Variants in ENTPD7 observed in about 807,000 individuals in gnomAD.
The protein encoded by ENTPD7 is ectonucleoside triphosphate diphosphohydrolase 7.
In ENTPD7, 53 loss-of-function variants were observed where a neutral mutation model predicts 77.9. That is an observed-to-expected ratio of 0.68 (90% CI 0.55 to 0.85). The LOEUF is 0.85. Ranked by LOEUF, ENTPD7 falls within the 40% of genes least tolerant of loss-of-function variation. The probability of loss-of-function intolerance (pLI) is 0.00; values close to 1 mark genes in which losing one functional copy is unlikely to be tolerated. For synonymous variants in ENTPD7, 248 were observed against 274.9 expected (o/e 0.90, Z 0.97); for missense variants, 636 against 743.7 (o/e 0.86, Z 1.68).
At position 99,685,823 on chromosome 10, in the gene ENTPD7, A is replaced by G; in HGVS notation, c.580A>G (p.Lys194Glu). 5 of 1,613,842 alleles carry G rather than the reference A, an allele frequency of 3.1e-6. No individual in the cohort carries two copies. Among genetic ancestry groups the G allele is most frequent in the Non-Finnish European group, 3.4e-6 (4 of 1,179,914 alleles). The change falls in exon 6 of 13, where the codon AAA becomes GAA. Residue 194 changes from lysine to glutamate, a missense_variant. Transcript: ENST00000370489. Reference sequence around the variant, plus strand: ...GTTGGCTATCTTGGCTGACCTAGTGAAAGATTTACCACTGGAGTTTGACTT... The same window carrying G: ...GTTGGCTATCTTGGCTGACCTAGTGGAAGATTTACCACTGGAGTTTGACTT... ...KQLAILADLV[K>E]DLPLEFDFLF...
At position 99,683,414 on chromosome 10, in the gene ENTPD7, G is replaced by T. The variant is rs74152710; in HGVS notation, c.549-2378G>T. ...ATTTTTTCTACCTCCCTTTTATTTT[G>T]CAGTTAAAAAAAATCCCTTAAAAAT... On this transcript the variant is annotated intron_variant, in intron 5 of 12. Coordinates refer to ENST00000370489, the MANE Select transcript of ENTPD7 (RefSeq NM_020354.5). Among the ~76,000 whole-genome samples, 207 of 151,860 alleles carry T rather than the reference G, an allele frequency of 1.4e-3. 1 individual carries two copies. Among genetic ancestry groups the T allele is most frequent in the African/African-American group, 4.9e-3 (203 of 41,414 alleles).
chr10:99,661,588 C>T lies in ENTPD7; in HGVS notation c.151C>T (p.His51Tyr), dbSNP rs139286607. 3.7e-6 allele frequency: 6 copies of T among 1,612,358 alleles called. No homozygotes were observed. In the African/African-American group the frequency reaches 4.0e-5, roughly 11 times the overall value. Residue 51 changes from histidine (H) to tyrosine (Y), a missense_variant, in exon 3 of 13, where the codon CAT (histidine) becomes TAT (tyrosine). His to Tyr is a moderately conservative substitution (Grantham distance 83). This residue lies in a region of ENTPD7 where 486 missense variants were observed against 556.5 expected (regional missense o/e 0.87). Coordinates refer to ENST00000370489, the MANE Select transcript of ENTPD7 (RefSeq NM_020354.5). ...LLLMLIIDFR[H>Y]WSASLPRDRQ... ...ACTTATGTTAATCATAGACTTTCGA[C>T]ATTGGAGTGCTTCATTACCACGAGA...
chr10:99,700,754 G>T, intron 10 of ENTPD7: 1 of 586,750 alleles, frequency 1.7e-6, no homozygotes, highest in Non-Finnish European at 3.0e-6. Context: ...AGCCTAAGAG[G>T]CTCAGAAGCC....
intron 8 of ENTPD7, among the ~76,000 whole-genome samples, chr10:99,692,063 G>A (rs2035891668): frequency 6.6e-6 from 1 of 152,116 alleles, no homozygotes; most frequent in Non-Finnish European, 1.5e-5. Flanking sequence ...CACCCATTAT[G>A]TGCAAGGAAT....
chr10:99,681,999 A>T (rs2035760076), intron 5 of ENTPD7, among the ~76,000 whole-genome samples: 1 of 151,806 alleles, frequency 6.6e-6, no homozygotes, highest in African/African-American at 2.4e-5. Flanking sequence ...TACTCTGTTA[A>T]TTTTTTCCTT....
chr10:99,701,051 C>G lies in ENTPD7; in HGVS notation c.1414C>G (p.Arg472Gly), dbSNP rs138037225. 163 of 1,613,464 alleles carry G rather than the reference C, an allele frequency of 1.0e-4. 1 individual carries two copies. The East Asian group carries it at 3.3e-3, about 33-fold the overall frequency. Reference protein sequence around the residue: ...GLFSSHADEHRLKYQCFKSAW... With the variant: ...GLFSSHADEHGLKYQCFKSAW... ...CTTTTCATCACATGCAGATGAGCAT[C>G]GACTCAAGTAAGTTACTTCCCTTTC... The change falls in exon 11 of 13, where the codon CGA becomes GGA. Residue 472 changes from arginine (R) to glycine (G), a missense_variant. Physicochemically the swap from Arg to Gly is moderately radical, Grantham distance 125. Coordinates refer to ENST00000370489, the MANE Select transcript of ENTPD7 (RefSeq NM_020354.5).
Position 99,709,689 on chromosome 10 carries a change from T to C in ENTPD7, c.*5006T>C. 4.1e-6 allele frequency: 4 copies of C among 985,462 alleles called. No individual in the cohort carries two copies. The South Asian group carries it at 1.9e-4, about 46-fold the overall frequency. 61.0% of individuals were successfully genotyped at this position (985,462 alleles called of 1,614,324 possible). ...TTTGGGTGTCCCATCTACCCTGTTT[T>C]CTGTTTCTGCAGATGGCTTGTTCAA... On this transcript the variant is annotated 3_prime_UTR_variant, in exon 13 of 13. Transcript: ENST00000370489.
chr10:99,661,847 TTGGTGGG>T (rs2035491421), intron 3 of ENTPD7, among the ~76,000 whole-genome samples: 1 of 152,226 alleles, frequency 6.6e-6, no homozygotes, highest in Non-Finnish European at 1.5e-5. Context: ...TTTTCTTGTT[TTGGTGGG>T]CTGAAACTTA....
chr10:99,704,871 T>A lies in ENTPD7; in HGVS notation c.*188T>A. 1 of 620,448 alleles carries A rather than the reference T, an allele frequency of 1.6e-6. No homozygotes were observed. Among genetic ancestry groups the A allele is most frequent in the Non-Finnish European group, 2.8e-6 (1 of 357,586 alleles). The allele number at this position is 620,448 out of a possible 1,614,324, so 38.4% of individuals were successfully genotyped here. On this transcript the variant is annotated 3_prime_UTR_variant, in exon 13 of 13. Coordinates refer to ENST00000370489, the MANE Select transcript of ENTPD7 (RefSeq NM_020354.5). ...GTCTTCTCTGAGAGAAGCTATAATTTAATCTGTGAGGAACTAAATGACAGG... is the reference window on the plus strand; with the variant it reads ...GTCTTCTCTGAGAGAAGCTATAATTAAATCTGTGAGGAACTAAATGACAGG...
At chr10:99,672,721 A>T (rs1444123219) in intron 3 of ENTPD7, among the ~76,000 whole-genome samples, 1 of 152,210 alleles carries the variant, frequency 6.6e-6, no homozygotes. Context: ...TTTTCTGGGT[A>T]TGTATTACTA....
chr10:99,660,457 A>G (rs1485524116), intron 2 of ENTPD7: 1 of 899,508 alleles, frequency 1.1e-6, no homozygotes, highest in Non-Finnish European at 1.6e-6. Context: ...TATAAAATAA[A>G]GTGGGGGAAA....
At chr10:99,666,166 G>T (rs1389440953) in intron 3 of ENTPD7, among the ~76,000 whole-genome samples, 1 of 152,066 alleles carries the variant, frequency 6.6e-6, no homozygotes, top group Admixed American at 6.6e-5. Context: ...CAGAAGGAAG[G>T]CTTTGAAAGG....
chr10:99,669,592 CTG>C (rs1450033437), intron 3 of ENTPD7, among the ~76,000 whole-genome samples: 1 of 151,898 alleles, frequency 6.6e-6, no homozygotes, highest in Admixed American at 6.6e-5. Flanking sequence ...GAATCCAAAA[CTG>C]TGTTTTTTTT....
At chr10:99,674,249 GAC>G (rs1564628716) in intron 3 of ENTPD7, among the ~76,000 whole-genome samples, 1 of 152,180 alleles carries the variant, frequency 6.6e-6, no homozygotes, top group Non-Finnish European at 1.5e-5. Context: ...GGGTCTCTGA[GAC>G]ACTTTTGGGA....
chr10:99,686,963 C>G (rs1344512816), intron 6 of ENTPD7, among the ~76,000 whole-genome samples: 1 of 137,248 alleles, frequency 7.3e-6, no homozygotes, highest in Non-Finnish European at 1.5e-5. Flanking sequence ...TTGTTACCAA[C>G]ACTGAGTGCA....
At chr10:99,678,669 T>G (rs1220086492) in intron 3 of ENTPD7, among the ~76,000 whole-genome samples, 3 of 149,686 alleles carry the variant, frequency 2.0e-5, no homozygotes, top group Non-Finnish European at 3.0e-5. Context: ...CCCAGCACTT[T>G]GGGAGGCTGA....
At chr10:99,680,924 G>A (rs1326646245) in intron 5 of ENTPD7, among the ~76,000 whole-genome samples, 3 of 152,200 alleles carry the variant, frequency 2.0e-5, no homozygotes, top group African/African-American at 2.4e-5. Flanking sequence ...TGTGTGTACA[G>A]TGTTGTACAG....
rs771309093 is a variant in ENTPD7, at chr10:99,702,536, G to A, written c.1446G>A (p.Trp482Ter). The A allele has an allele frequency of 6.3e-7, 1 of 1,598,264 alleles. No homozygotes were observed. Among genetic ancestry groups the A allele is most frequent in the Non-Finnish European group, 8.5e-7 (1 of 1,172,826 alleles). ...RLKYQCFKSA[W>*]MYQVLHEGFH... is the part of the protein sequence containing the mutation. Reference sequence around the variant, plus strand: ...GATATCAGTGTTTTAAATCGGCTTGGATGTACCAAGTCTTACATGAAGGAT... The same window carrying A: ...GATATCAGTGTTTTAAATCGGCTTGAATGTACCAAGTCTTACATGAAGGAT... Residue 482 changes from tryptophan to a stop codon, truncating the protein, a stop_gained, in exon 12 of 13, where the codon TGG becomes TGA. Coordinates refer to ENST00000370489, the MANE Select transcript of ENTPD7 (RefSeq NM_020354.5). LOFTEE classifies it high-confidence loss of function.
intron 8 of ENTPD7, among the ~76,000 whole-genome samples, chr10:99,695,277 C>A (rs149691402): frequency 6.6e-6 from 1 of 151,906 alleles, no homozygotes; most frequent in East Asian, 1.9e-4. Flanking sequence ...GTAATCCCAG[C>A]ACTTTGGGAG....
Sources: allele counts gnomAD v4.1 joint callset (sites outside exome capture counted in the v4.1 genomes callset), GRCh38; gene constraint gnomAD v4.1.1; regional missense constraint gnomAD v4.1.1; transcripts MANE v1.5; gene names NCBI Gene and HGNC (gene_info 2026-07-23, HGNC 2026-07-21).